Variants in ZNF157 observed in about 807,000 individuals in gnomAD.
The protein encoded by ZNF157 is zinc finger protein 157.
ZNF157 carries 8 observed loss-of-function variants against 9.4 expected under a neutral mutation model. That is an observed-to-expected ratio of 0.85 (90% confidence interval 0.50 to 1.53). ZNF157 has a LOEUF of 1.53. ZNF157 is among the 40% of genes most tolerant of loss of function. The pLI is 0.00. For missense variants in ZNF157, 316 were observed against 385.2 expected (o/e 0.82, Z 1.50); for synonymous variants, 120 against 130.8 (o/e 0.92, Z 0.56).
At chrX:47,384,363 C>T (rs1714696032) in intron 1 of ZNF157, among the ~76,000 whole-genome samples, 1 of 111,903 alleles carries the variant, frequency 8.9e-6, no homozygotes, top group Non-Finnish European at 1.9e-5. Flanking sequence ...ACACTCAAAC[C>T]TGTTGATGAA....
At chrX:47,408,716 A>G (rs1275671838) in intron 1 of ZNF157, among the ~76,000 whole-genome samples, 1 of 112,005 alleles carries the variant, frequency 8.9e-6, no homozygotes, top group Non-Finnish European at 1.9e-5. Flanking sequence ...GCGCCCGGAC[A>G]GCAGGCACAT....
intron 1 of ZNF157, among the ~76,000 whole-genome samples, chrX:47,393,967 C>CT (rs748734330): frequency 0.042 from 4,173 of 98,222 alleles, 182 homozygotes; most frequent in African/African-American, 0.12. Flanking sequence ...GTCTCGAACT[C>CT]TTTTTTTTTT....
intron 1 of ZNF157, among the ~76,000 whole-genome samples, chrX:47,379,724 C>CTTTTTT (rs200985634): frequency 8.0e-5 from 5 of 62,760 alleles, no homozygotes; most frequent in African/African-American, 2.0e-4. Flanking sequence ...TGTCTAGATG[C>CTTTTTT]TTTTTTTTTT....
intron 1 of ZNF157, among the ~76,000 whole-genome samples, chrX:47,391,507 G>C (rs948348145): frequency 2.7e-5 from 3 of 112,032 alleles, no homozygotes; most frequent in African/African-American, 9.7e-5. Flanking sequence ...TGCTTGAAAG[G>C]TTTTGTATTT....
chrX:47,402,876 C>T (rs1440325411), intron 1 of ZNF157, among the ~76,000 whole-genome samples: 2 of 109,717 alleles, frequency 1.8e-5, no homozygotes, highest in Non-Finnish European at 3.8e-5. Context: ...GATACAAGTA[C>T]AGCTTTGTTA....
intron 3 of ZNF157, among the ~76,000 whole-genome samples, chrX:47,411,329 T>C (rs1480609339): frequency 3.6e-5 from 4 of 110,174 alleles, no homozygotes; most frequent in African/African-American, 1.3e-4. Context: ...CTTATTTATC[T>C]CTGCCTCATC....
chrX:47,397,270 T>C (rs1487674920), intron 1 of ZNF157, among the ~76,000 whole-genome samples: 1 of 95,623 alleles, frequency 1.0e-5, no homozygotes, highest in Non-Finnish European at 2.1e-5. Flanking sequence ...TGAGATGGAG[T>C]CTCACTCTGT....
At chrX:47,401,988 C>T (rs919748423) in intron 1 of ZNF157, among the ~76,000 whole-genome samples, 4 of 111,487 alleles carry the variant, frequency 3.6e-5, no homozygotes, top group African/African-American at 9.8e-5. Context: ...CCTCCCGCTT[C>T]GGCCTCTCAA....
In ZNF157 at chrX:47,410,264, T is replaced by C. The variant is rs1292350498; in HGVS notation, c.73-12T>C. The C allele has an allele frequency of 8.3e-7, 1 of 1,210,991 alleles. No homozygotes were observed. The highest frequency in any genetic ancestry group is 1.1e-6 in the Non-Finnish European group (1 of 895,238). On this transcript the variant is annotated splice_polypyrimidine_tract_variant and intron_variant, in intron 1 of 3. Transcript: ENST00000377073. ...TGCATCCCATTCTGATCATTGGAGA[T>C]TGTTATTACAGGGGTCCGTGTCATT...
chrX:47,410,263 ATTG>A lies in ZNF157; in HGVS notation c.73-10_73-8del. On this transcript the variant is annotated splice_polypyrimidine_tract_variant and intron_variant, in intron 1 of 3. Transcript: ENST00000377073. ...ATGCATCCCATTCTGATCATTGGAG[ATTG>A]TTATTACAGGGGTCCGTGTCATTCG... 1 of 1,210,674 alleles carries A rather than the reference ATTG, an allele frequency of 8.3e-7. No individual in the cohort carries two copies. Among genetic ancestry groups the A allele is most frequent in the Non-Finnish European group, 1.1e-6 (1 of 895,227 alleles).
At chrX:47,398,215 C>T (rs758414476) in intron 1 of ZNF157, among the ~76,000 whole-genome samples, 12 of 110,997 alleles carry the variant, frequency 1.1e-4, no homozygotes, top group Admixed American at 7.7e-4. Flanking sequence ...ATATTAAATG[C>T]GGATTCAGAG....
chrX:47,393,340 A>G (rs763340094), intron 1 of ZNF157, among the ~76,000 whole-genome samples: 16 of 110,978 alleles, frequency 1.4e-4, no homozygotes, highest in African/African-American at 5.2e-4. Context: ...GCCTTCTGTC[A>G]TTTTGTCTTT....
At chrX:47,395,886 GC>G (rs1809455895) in intron 1 of ZNF157, among the ~76,000 whole-genome samples, 1 of 111,266 alleles carries the variant, frequency 9.0e-6, no homozygotes, top group South Asian at 3.8e-4. Context: ...GACTGCCTGA[GC>G]CTTTGGAGGT....
At chrX:47,378,217 C>T (rs2055850843) in intron 1 of ZNF157, among the ~76,000 whole-genome samples, 1 of 110,616 alleles carries the variant, frequency 9.0e-6, no homozygotes, top group Admixed American at 9.8e-5. Flanking sequence ...TGAAGCTGTC[C>T]TCTTGTGCTG....
At chrX:47,390,863 T>C (rs1048645261) in intron 1 of ZNF157, 2 of 112,467 alleles carry the variant, frequency 1.8e-5, no homozygotes, top group Non-Finnish European at 3.8e-5. Flanking sequence ...TCCATGCAGT[T>C]GTCTGTTTCA....
At chrX:47,395,305 G>A (rs1049675672) in intron 1 of ZNF157, among the ~76,000 whole-genome samples, 10 of 111,921 alleles carry the variant, frequency 8.9e-5, no homozygotes, top group Admixed American at 2.9e-4. Flanking sequence ...CTGCCTTGGC[G>A]TCTTGAATAG....
chrX:47,370,839 T>C (rs903403697), intron 1 of ZNF157, 99 bp downstream of exon 1: 1 of 793,262 alleles, frequency 1.3e-6, no homozygotes, highest in African/African-American at 2.1e-5. Flanking sequence ...TCAAATGCAA[T>C]GTACCATTTA....
chrX:47,408,583 T>TTTTG (rs1021600400), intron 1 of ZNF157, among the ~76,000 whole-genome samples: 2 of 110,807 alleles, frequency 1.8e-5, no homozygotes, highest in Non-Finnish European at 3.8e-5. Flanking sequence ...CCCAGCTAAT[T>TTTTG]TTTGTTTGTT....
intron 1 of ZNF157, among the ~76,000 whole-genome samples, chrX:47,395,294 TCTGCC>T (rs2055909979): frequency 8.9e-6 from 1 of 112,166 alleles, no homozygotes. Flanking sequence ...AAGCTATCCT[TCTGCC>T]TTGGCGTCTT....
Sources: gnomAD v4.1 joint callset for allele counts (sites outside exome capture counted in the v4.1 genomes callset) on GRCh38, gnomAD v4.1.1 for gene constraint, MANE v1.5 for transcripts, NCBI Gene and HGNC (gene_info 2026-07-23, HGNC 2026-07-21) for gene names.